The following ASAP1 variants were observed in gnomAD, a reference collection of about 807,000 sequenced individuals.
The protein encoded by ASAP1 is arf-GAP with SH3 domain, ANK repeat and PH domain-containing protein 1.
In ASAP1, 43 loss-of-function variants were observed where a neutral mutation model predicts 145.2. That is an observed-to-expected ratio of 0.30 (90% CI 0.23 to 0.38). ASAP1 has a LOEUF of 0.38. Among genes scored for constraint, ASAP1 ranks in the 10% least tolerant of loss-of-function variants. The probability of loss-of-function intolerance (pLI) is 1.00; values close to 1 mark genes in which losing one functional copy is unlikely to be tolerated. For synonymous variants in ASAP1, 546 were observed against 515.5 expected, an observed-to-expected ratio of 1.06 and a Z score of -0.80; for missense variants, 1,018 against 1,355.3, an observed-to-expected ratio of 0.75 and a Z score of 3.91.
At chr8:130,199,666 A>C (rs766379424) in intron 5 of ASAP1, among the ~76,000 whole-genome samples, 3 of 152,240 alleles carry the variant, frequency 2.0e-5, no homozygotes, top group Admixed American at 6.5e-5. Context: ...GTCTCTAAAA[A>C]GACCTCTAAG....
intron 27 of ASAP1, among the ~76,000 whole-genome samples, chr8:130,061,778 A>G (rs7460645): frequency 0.56 from 85,448 of 152,070 alleles, 24,666 homozygotes; most frequent in African/African-American, 0.69. Flanking sequence ...ATGTTTAGGA[A>G]AGCTCCAAAT....
chr8:130,244,358 G>A (rs1161530775), intron 3 of ASAP1, among the ~76,000 whole-genome samples: 2 of 152,136 alleles, frequency 1.3e-5, no homozygotes, highest in Middle Eastern at 3.4e-3. Context: ...AGATGGTCCC[G>A]GAATCTCCTG....
rs762695098 is a variant in ASAP1, at chr8:130,115,638, A to G, written c.2162T>C (p.Leu721Pro). Residue 721 changes from leucine to proline, a missense_variant, in exon 23 of 30, where the codon CTG becomes CCG. This residue lies in a region of ASAP1 where 353 missense variants were observed against 375.4 expected (regional missense o/e 0.94). Coordinates refer to ENST00000518721, the MANE Select transcript of ASAP1 (RefSeq NM_018482.4). ...QEEIDESDDDLDDKPSPIKKE... is the reference protein window; with the variant it reads ...QEEIDESDDDPDDKPSPIKKE... Reference sequence around the variant, plus strand: ...ATAATTTACACTCACTTTGTCATCCAGATCATCATCGCTCTCATCTATCTC... The same window carrying G: ...ATAATTTACACTCACTTTGTCATCCGGATCATCATCGCTCTCATCTATCTC... 3 of 1,613,326 alleles carry G rather than the reference A, an allele frequency of 1.9e-6. No individual in the cohort carries two copies. The highest frequency in any genetic ancestry group is 2.5e-6 in the Non-Finnish European group (3 of 1,179,300).
chr8:130,271,562 C>G (rs1036436028), intron 3 of ASAP1, among the ~76,000 whole-genome samples: 1 of 152,208 alleles, frequency 6.6e-6, no homozygotes, highest in Non-Finnish European at 1.5e-5. Flanking sequence ...TGCAAATTAG[C>G]TTCCAACACC....
intron 12 of ASAP1, among the ~76,000 whole-genome samples, chr8:130,159,027 G>A (rs983189476): frequency 1.3e-5 from 2 of 151,858 alleles, no homozygotes; most frequent in Non-Finnish European, 2.9e-5. Context: ...CACCGCGCCC[G>A]GCTGTGCTTT....
At chr8:130,103,015 G>T (rs1374488854) in intron 24 of ASAP1, among the ~76,000 whole-genome samples, 2 of 152,084 alleles carry the variant, frequency 1.3e-5, no homozygotes, top group African/African-American at 2.4e-5. Flanking sequence ...TTAAAGATTT[G>T]GCAGAATTCA....
intron 3 of ASAP1, among the ~76,000 whole-genome samples, chr8:130,352,991 T>C (rs1464556150): frequency 6.6e-6 from 1 of 152,224 alleles, no homozygotes; most frequent in East Asian, 1.9e-4. Flanking sequence ...TTCTTCATTG[T>C]ATCCCTGGGC....
intron 4 of ASAP1, among the ~76,000 whole-genome samples, chr8:130,221,327 G>T (rs995941518): frequency 6.6e-6 from 1 of 152,106 alleles, no homozygotes; most frequent in Non-Finnish European, 1.5e-5. Context: ...AACATTTTCT[G>T]CCTAAAAGCA....
chr8:130,388,841 G>C (rs972052227), intron 2 of ASAP1, among the ~76,000 whole-genome samples: 1 of 152,180 alleles, frequency 6.6e-6, no homozygotes, highest in Non-Finnish European at 1.5e-5. Flanking sequence ...TTTCCTTAGA[G>C]CCTGGGGATA....
At chr8:130,347,878 T>C (rs1825788439) in intron 3 of ASAP1, among the ~76,000 whole-genome samples, 1 of 152,194 alleles carries the variant, frequency 6.6e-6, no homozygotes, top group African/African-American at 2.4e-5. Context: ...ATATCTCCCA[T>C]GAATCCTTCC....
chr8:130,367,187 G>A (rs1826999288), intron 2 of ASAP1, among the ~76,000 whole-genome samples: 1 of 151,946 alleles, frequency 6.6e-6, no homozygotes, highest in Non-Finnish European at 1.5e-5. Context: ...ACCACACCCG[G>A]CCGCTAGATA....
At chr8:130,216,268 A>G (rs1046322774) in intron 4 of ASAP1, among the ~76,000 whole-genome samples, 5 of 152,234 alleles carry the variant, frequency 3.3e-5, no homozygotes, top group African/African-American at 1.2e-4. Flanking sequence ...TTCACAGTCC[A>G]GCTCTTGCTG....
rs1022725419 is a variant in ASAP1 at position 130,219,117 on chromosome 8, C to T, written c.260-4416G>A. On this transcript the variant is annotated intron_variant, in intron 4 of 29. Coordinates refer to ENST00000518721, the MANE Select transcript of ASAP1 (RefSeq NM_018482.4). ...GCCCCAAAATGTCAGCTACTGTTAC[C>T]GCTATATATCCATGACTACTTACAA... 4.6e-5 allele frequency among the ~76,000 whole-genome samples: 7 copies of T among 151,782 alleles called. No homozygotes were observed. In the East Asian group the frequency reaches 7.7e-4, roughly 17 times the overall value.
At chr8:130,080,947 A>T (rs890743302) in intron 25 of ASAP1, among the ~76,000 whole-genome samples, 5 of 152,214 alleles carry the variant, frequency 3.3e-5, no homozygotes, top group African/African-American at 1.2e-4. Context: ...ATTAACATTT[A>T]TTAAGCATCT....
chr8:130,352,212 G>T (rs1363158219), intron 3 of ASAP1, among the ~76,000 whole-genome samples: 10 of 139,682 alleles, frequency 7.2e-5, no homozygotes, highest in Non-Finnish European at 1.4e-4. Context: ...CTTCCTAAGG[G>T]TTTTTTTTTT....
chr8:130,253,711 C>T (rs1210389330), intron 3 of ASAP1, among the ~76,000 whole-genome samples: 5 of 152,126 alleles, frequency 3.3e-5, no homozygotes, highest in East Asian at 1.9e-4. Context: ...ACGAAATGCA[C>T]GCTCAAAAAG....
At chr8:130,153,313 T>G (rs1455819822) in intron 12 of ASAP1, among the ~76,000 whole-genome samples, 1 of 139,650 alleles carries the variant, frequency 7.2e-6, no homozygotes, top group African/African-American at 2.7e-5. Context: ...CCACAGCACC[T>G]GGCCAGCACT....
At chr8:130,207,396 G>A (rs1022777577) in intron 5 of ASAP1, among the ~76,000 whole-genome samples, 2 of 152,136 alleles carry the variant, frequency 1.3e-5, no homozygotes, top group Admixed American at 6.6e-5. Context: ...TGCTTTCATA[G>A]GTATTTCACA....
chr8:130,276,252 A>G (rs1159070828), intron 3 of ASAP1, among the ~76,000 whole-genome samples: 2 of 152,218 alleles, frequency 1.3e-5, no homozygotes, highest in South Asian at 4.1e-4. Context: ...GGGCCGCTCC[A>G]GCTGTAACAA....
Sources: gnomAD v4.1 joint callset for allele counts (sites outside exome capture counted in the v4.1 genomes callset) on GRCh38, gnomAD v4.1.1 for gene constraint, gnomAD v4.1.1 regional missense constraint, MANE v1.5 for transcripts, NCBI Gene and HGNC (gene_info 2026-07-23, HGNC 2026-07-21) for gene names.